Variants in ZNF326 observed in about 807,000 individuals in gnomAD.
ZNF326 encodes zinc finger protein 326.
ZNF326 carries 30 observed loss-of-function variants against 63.1 expected under a neutral mutation model. The ratio of observed to expected loss-of-function variants is 0.48; its 90% CI spans 0.36 to 0.64. ZNF326 has a LOEUF of 0.64. ZNF326 is among the 30% of genes least tolerant of loss of function. The pLI, the probability that ZNF326 is intolerant of heterozygous loss-of-function variation, is 0.00. For missense variants in ZNF326, 609 were observed against 720.3 expected (o/e 0.85, Z 1.77); for synonymous variants, 194 against 228.2 (o/e 0.85, Z 1.35).
chr1:89,995,166 G>T lies in ZNF326; in HGVS notation c.-92G>T. 1 of 1,449,884 alleles carries T rather than the reference G, an allele frequency of 6.9e-7. No homozygotes were observed. Among genetic ancestry groups the T allele is most frequent in the Non-Finnish European group, 9.3e-7 (1 of 1,080,042 alleles). 89.8% of individuals were successfully genotyped at this position (1,449,884 alleles called of 1,614,324 possible). Reference sequence around the variant, plus strand: ...GTAGCGCGCCGCTCTCGGTCGCGCGGAGTGATCGTGTGGAATCGCGGGTCG... The same window carrying T: ...GTAGCGCGCCGCTCTCGGTCGCGCGTAGTGATCGTGTGGAATCGCGGGTCG... On this transcript the variant is annotated 5_prime_UTR_variant, in exon 1 of 12. Coordinates refer to ENST00000340281, the MANE Select transcript of ZNF326 (RefSeq NM_182976.4).
chr1:90,008,590 G>T (rs945867111), intron 5 of ZNF326, among the ~76,000 whole-genome samples: 10 of 152,068 alleles, frequency 6.6e-5, no homozygotes, highest in African/African-American at 2.4e-4. Flanking sequence ...GCAGATTGTG[G>T]GGTTATTATA....
At position 90,028,367 on chromosome 1, in the gene ZNF326, A is replaced by AG. The variant is rs375314059; in HGVS notation, c.*666_*667insG. ...AGAAGACTTGAATTAAAGAAAAAAA[A>AG]ATTCTCAATCATATTTTTAAAATAT... On this transcript the variant is annotated 3_prime_UTR_variant, in exon 12 of 12. Coordinates refer to ENST00000340281, the MANE Select transcript of ZNF326 (RefSeq NM_182976.4). 1 of 151,768 alleles carries AG rather than the reference A, an allele frequency of 6.6e-6. No homozygotes were observed. The highest frequency in any genetic ancestry group is 1.9e-4 in the East Asian group (1 of 5,190). The allele number at this position is 151,768 out of a possible 1,614,324, so 9.4% of individuals were successfully genotyped here. A position where few individuals can be genotyped will look rare whatever the true frequency, so the allele number is the denominator to read the frequency against.
At position 90,034,775 on chromosome 1, in the gene ZNF326, CT is replaced by C. The variant is rs1449794193; in HGVS notation, c.*7075del. 1 of 152,112 alleles carries C rather than the reference CT, an allele frequency of 6.6e-6. No individual in the cohort carries two copies. The highest frequency in any genetic ancestry group is 1.5e-5 in the Non-Finnish European group (1 of 68,004). 9.4% of individuals were successfully genotyped at this position (152,112 alleles called of 1,614,324 possible). ...AAACATCTCAATTTGGTCTCTGAGG[CT>C]AGCATAATCCTTATTCCAGAAAATT... On this transcript the variant is annotated 3_prime_UTR_variant, in exon 12 of 12. Coordinates refer to ENST00000340281, the MANE Select transcript of ZNF326 (RefSeq NM_182976.4).
intron 11 of ZNF326, among the ~76,000 whole-genome samples, chr1:90,026,974 A>G (rs1650040091): frequency 6.6e-6 from 1 of 152,166 alleles, no homozygotes; most frequent in African/African-American, 2.4e-5. Flanking sequence ...ATTCTGTAAC[A>G]TTAATACTCA....
At chr1:89,995,326 A>G in intron 1 of ZNF326, 53 bp downstream of exon 1, 1 of 1,525,052 alleles carries the variant, frequency 6.6e-7, no homozygotes, top group South Asian at 1.2e-5. Flanking sequence ...GGGGTGGCCT[A>G]CGCAGGGGGT....
chr1:90,017,349 G>T lies in ZNF326; in HGVS notation c.959G>T (p.Arg320Leu). 6.3e-7 allele frequency: 1 copy of T among 1,599,962 alleles called. No individual in the cohort carries two copies. Among genetic ancestry groups the T allele is most frequent in the South Asian group, 1.1e-5 (1 of 87,178 alleles). The change falls in exon 8 of 12, where the codon CGA (arginine) becomes CTA (leucine). Residue 320 changes from arginine (R) to leucine (L), a missense_variant. Physicochemically the swap from Arg to Leu is moderately radical, Grantham distance 102 (BLOSUM62 -2). Coordinates refer to ENST00000340281, the MANE Select transcript of ZNF326 (RefSeq NM_182976.4). ...MAFTCSFCKF[R>L]TFEEKDIELH... is the part of the protein sequence containing the mutation. ...TTTACATGTTCATTTTGTAAATTTCGAACATTTGAAGAAAAAGATATTGAA... is the reference window on the plus strand; with the variant it reads ...TTTACATGTTCATTTTGTAAATTTCTAACATTTGAAGAAAAAGATATTGAA...
At chr1:89,995,350 C>A in intron 1 of ZNF326, 77 bp downstream of exon 1, 1 of 1,496,216 alleles carries the variant, frequency 6.7e-7, no homozygotes. Context: ...TTTACCGTCT[C>A]AAGATGGCCG....
chr1:90,017,376 T>G lies in ZNF326; in HGVS notation c.986T>G (p.Leu329Arg). The G allele has an allele frequency of 6.2e-7, 1 of 1,607,526 alleles. No individual in the cohort carries two copies. Among genetic ancestry groups the G allele is most frequent in the Non-Finnish European group, 8.5e-7 (1 of 1,177,896 alleles). Residue 329 changes from leucine (L) to arginine (R), a missense_variant, in exon 8 of 12, where the codon CTG becomes CGG. By Grantham distance (102) the Leu-to-Arg change is moderately radical (BLOSUM62 -2). This residue lies in a region of ZNF326 where 399 missense variants were observed against 444.3 expected (regional missense o/e 0.90). Transcript: ENST00000340281. ...FRTFEEKDIELHLESSSHQET... is the reference protein window; with the variant it reads ...FRTFEEKDIERHLESSSHQET... Reference sequence around the variant, plus strand: ...ACATTTGAAGAAAAAGATATTGAACTGCATCTGGAAAGTTCTTCACATCAG... The same window carrying G: ...ACATTTGAAGAAAAAGATATTGAACGGCATCTGGAAAGTTCTTCACATCAG...
chr1:90,030,233 A>G lies in ZNF326; in HGVS notation c.*2532A>G, dbSNP rs1256459478. 1 of 152,178 alleles carries G rather than the reference A, an allele frequency of 6.6e-6. No individual in the cohort carries two copies. The highest frequency in any genetic ancestry group is 1.5e-5 in the Non-Finnish European group (1 of 68,030). 9.4% of individuals were successfully genotyped at this position (152,178 alleles called of 1,614,324 possible). A position where few individuals can be genotyped will look rare whatever the true frequency, so the allele number is the denominator to read the frequency against. On this transcript the variant is annotated 3_prime_UTR_variant, in exon 12 of 12. Coordinates refer to ENST00000340281, the MANE Select transcript of ZNF326 (RefSeq NM_182976.4). The stretch of plus-strand genomic sequence containing the variant: ...TGCAACCAACCCAGTTCAAGTCATG[A>G]TAATTTCTTGTTAACTAATCTTGAT...
intron 9 of ZNF326, among the ~76,000 whole-genome samples, chr1:90,019,154 T>TA (rs947399255): frequency 2.2e-4 from 33 of 151,752 alleles, no homozygotes; most frequent in East Asian, 5.8e-4. Flanking sequence ...TGCTTTTACT[T>TA]AAAAAAAACA....
intron 1 of ZNF326, 72 bp from the exon 2 acceptor site, chr1:89,998,038 C>T (rs1648481340): frequency 1.4e-6 from 2 of 1,381,380 alleles, no homozygotes; most frequent in Admixed American, 2.0e-5. Context: ...TTGTTTTTTA[C>T]TGGATCGGCA....
Position 90,013,203 on chromosome 1 carries a change from G to A in ZNF326, c.892G>A (p.Glu298Lys). ...GCGAGAGAAACAAAGGCGCAGAAGA[G>A]AAAAAAACAGTGAGAAATACGGAGA... is the stretch of plus-strand genomic sequence containing the variant. ...ARREKQRRRR[E>K]KNSEKYGDGY... The change falls in exon 7 of 12, where the codon GAA (glutamate) becomes AAA (lysine). Residue 298 changes from glutamate to lysine, a missense_variant. Physicochemically the swap from Glu to Lys is moderately conservative, Grantham distance 56. Transcript: ENST00000340281. The A allele has an allele frequency of 6.2e-7, 1 of 1,606,534 alleles. No individual in the cohort carries two copies. Among genetic ancestry groups the A allele is most frequent in the Middle Eastern group, 1.7e-4 (1 of 6,028 alleles).
chr1:90,032,197 T>C lies in ZNF326; in HGVS notation c.*4496T>C, dbSNP rs1288259012. On this transcript the variant is annotated 3_prime_UTR_variant, in exon 12 of 12. Transcript: ENST00000340281. Reference sequence around the variant, plus strand: ...CAGTCCTCTAATTCCCAGAGGTCTGTTGTGAATTCTAATGCTTTCAGAAAA... The same window carrying C: ...CAGTCCTCTAATTCCCAGAGGTCTGCTGTGAATTCTAATGCTTTCAGAAAA... 6.6e-6 allele frequency: 1 copy of C among 152,198 alleles called. No individual in the cohort carries two copies. The highest frequency in any genetic ancestry group is 1.5e-5 in the Non-Finnish European group (1 of 68,034). 9.4% of individuals were successfully genotyped at this position (152,198 alleles called of 1,614,324 possible). A position where few individuals can be genotyped will look rare whatever the true frequency, so the allele number is the denominator to read the frequency against.
At chr1:90,003,286 A>G (rs565628558) in intron 2 of ZNF326, among the ~76,000 whole-genome samples, 25 of 152,038 alleles carry the variant, frequency 1.6e-4, no homozygotes, top group African/African-American at 6.0e-4. Context: ...ACCTGCCACC[A>G]CACCCAGCTA....
Position 90,005,189 on chromosome 1 carries a change from T to A in ZNF326, c.154T>A (p.Tyr52Asn). Reference protein sequence around the residue: ...SYGGQRSMDSYLNQSYGMDNH... With the variant: ...SYGGQRSMDSNLNQSYGMDNH... ...TGGGGGTCAGAGATCCATGGATTCCTACCTAAACCAGTCATATGGCATGGA... is the reference window on the plus strand; with the variant it reads ...TGGGGGTCAGAGATCCATGGATTCCAACCTAAACCAGTCATATGGCATGGA... Residue 52 changes from tyrosine to asparagine, a missense_variant, in exon 4 of 12, where the codon TAC (tyrosine) becomes AAC (asparagine). Physicochemically the swap from Tyr to Asn is moderately radical, Grantham distance 143. Transcript: ENST00000340281. The A allele has an allele frequency of 6.2e-7, 1 of 1,614,074 alleles. No individual in the cohort carries two copies. Among genetic ancestry groups the A allele is most frequent in the Non-Finnish European group, 8.5e-7 (1 of 1,179,984 alleles).
In ZNF326 at chr1:90,032,562, G is replaced by A. The variant is rs1264866274; in HGVS notation, c.*4861G>A. On this transcript the variant is annotated 3_prime_UTR_variant, in exon 12 of 12. Coordinates refer to ENST00000340281, the MANE Select transcript of ZNF326 (RefSeq NM_182976.4). Reference sequence around the variant, plus strand: ...TAATCACACTAGGAAGACAAGAAGGGTGCTGTGAAATATTTCTAGAAGATA... The same window carrying A: ...TAATCACACTAGGAAGACAAGAAGGATGCTGTGAAATATTTCTAGAAGATA... 1 of 152,148 alleles carries A rather than the reference G, an allele frequency of 6.6e-6. No homozygotes were observed. Among genetic ancestry groups the A allele is most frequent in the African/African-American group, 2.4e-5 (1 of 41,424 alleles). The allele number at this position is 152,148 out of a possible 1,614,324, so 9.4% of individuals were successfully genotyped here. A position where few individuals can be genotyped will look rare whatever the true frequency, so the allele number is the denominator to read the frequency against.
At position 90,027,065 on chromosome 1, in the gene ZNF326, A is replaced by G. The variant is rs201849248; in HGVS notation, c.1402-289A>G. Among the ~76,000 whole-genome samples, 420 of 149,308 alleles carry G rather than the reference A, an allele frequency of 2.8e-3. 2 individuals carry two copies. The highest frequency in any genetic ancestry group is 9.7e-3 in the African/African-American group (396 of 40,648). On this transcript the variant is annotated intron_variant, in intron 11 of 11. Transcript: ENST00000340281. ...ACACTTGTCTTTGTCATGTGTATAT[A>G]TGTGTGTGTGTGTGTGTGTGTGTAT...
chr1:90,012,920 A>ATATCTGTCAT lies in ZNF326; in HGVS notation c.815-205_815-204insATCTGTCATT, dbSNP rs368942091. 4.1e-3 allele frequency among the ~76,000 whole-genome samples: 632 copies of ATATCTGTCAT among 152,302 alleles called. 4 individuals carry two copies. The highest frequency in any genetic ancestry group is 0.015 in the African/African-American group (611 of 41,572). On this transcript the variant is annotated intron_variant, in intron 6 of 11. Coordinates refer to ENST00000340281, the MANE Select transcript of ZNF326 (RefSeq NM_182976.4). ...ATGACAAGCAGATATGACAGAATTC[A>ATATCTGTCAT]TGATGATGGTATTCAAATGAATGAA...
intron 8 of ZNF326, 32 bp from the exon 9 acceptor site, chr1:90,018,653 G>T: frequency 7.5e-7 from 1 of 1,331,426 alleles, no homozygotes; most frequent in Non-Finnish European, 1.1e-6. Flanking sequence ...CTCATTGAAA[G>T]CTATTTAGAT....
Sources: gnomAD v4.1 joint callset for allele counts (sites outside exome capture counted in the v4.1 genomes callset) on GRCh38, gnomAD v4.1.1 for gene constraint, gnomAD v4.1.1 regional missense constraint, MANE v1.5 for transcripts, NCBI Gene and HGNC (gene_info 2026-07-23, HGNC 2026-07-21) for gene names.